Variants in SEPTIN8 observed in about 807,000 individuals in gnomAD.
The protein encoded by SEPTIN8 is septin-8.
Under a neutral mutation model 53.1 loss-of-function variants are expected in SEPTIN8, and 22 were observed. The observed-to-expected ratio is 0.41, with a 90% CI of 0.30 to 0.59. The LOEUF (loss-of-function observed/expected upper bound fraction) is 0.59. Among genes scored for constraint, SEPTIN8 ranks in the 20% least tolerant of loss-of-function variants. The probability of loss-of-function intolerance (pLI) is 0.24; values close to 1 mark genes in which losing one functional copy is unlikely to be tolerated. For synonymous variants in SEPTIN8, 228 were observed against 248.4 expected, an observed-to-expected ratio of 0.92 and a Z score of 0.77; for missense variants, 536 against 638.7, an observed-to-expected ratio of 0.84 and a Z score of 1.73.
In SEPTIN8 at chr5:132,773,604, T is replaced by C. The variant is rs1441346332; in HGVS notation, c.30+3504A>G. On this transcript the variant is annotated intron_variant, in intron 1 of 9. Coordinates refer to ENST00000378719, the MANE Select transcript of SEPTIN8 (RefSeq NM_001098811.2). This position sits in a 1 kb window ranked among gnomAD's most constrained non-coding sequence, Gnocchi z 4.2. Reference sequence around the variant, plus strand: ...TGCATCCTCACCCAACCTTGGGCTGTTGGCATCAACAAGATAATGCGCTCA... The same window carrying C: ...TGCATCCTCACCCAACCTTGGGCTGCTGGCATCAACAAGATAATGCGCTCA... Among the ~76,000 whole-genome samples, 5 of 152,220 alleles carry C rather than the reference T, an allele frequency of 3.3e-5. No homozygotes were observed. The highest frequency in any genetic ancestry group is 2.9e-5 in the Non-Finnish European group (2 of 68,034).
chr5:132,776,804 G>T lies in SEPTIN8; in HGVS notation c.30+304C>A, dbSNP rs1581208548. Among the ~76,000 whole-genome samples, 2 of 152,240 alleles carry T rather than the reference G, an allele frequency of 1.3e-5. No homozygotes were observed. The highest frequency in any genetic ancestry group is 3.9e-4 in the East Asian group (2 of 5,146). On this transcript the variant is annotated intron_variant, in intron 1 of 9. Transcript: ENST00000378719. This position sits in a 1 kb window ranked among gnomAD's most constrained non-coding sequence, Gnocchi z 4.4. ...GACCCTCACCTGCGGCCCCGCGGGC[G>T]CCACTCTATCTTCGCACCTGCCCGG...
In SEPTIN8 at chr5:132,752,049, G is replaced by A. The variant is rs1219603478; in HGVS notation, c.1419C>T (p.Val473=). 6.2e-7 allele frequency: 1 copy of A among 1,610,622 alleles called. No homozygotes were observed. Among genetic ancestry groups the A allele is most frequent in the African/African-American group, 1.3e-5 (1 of 74,896 alleles). The part of the protein sequence containing the change: ...WPAIQCCSCL[V]RDATWREGFL Reference sequence around the variant, plus strand: ...ATCCTTCCCTCCACGTCGCATCCCTGACCAGGCAGCTGCAGCACTGTATGG... The same window carrying A: ...ATCCTTCCCTCCACGTCGCATCCCTAACCAGGCAGCTGCAGCACTGTATGG... Residue 473 remains valine, a synonymous_variant, in exon 10 of 10, where the codon GTC becomes GTT. Coordinates refer to ENST00000378719, the MANE Select transcript of SEPTIN8 (RefSeq NM_001098811.2).
At chr5:132,757,342 C>T in intron 9 of SEPTIN8, 2 of 985,442 alleles carry the variant, frequency 2.0e-6, no homozygotes, top group Non-Finnish European at 2.4e-6. Context: ...CTGGCCGTGC[C>T]TCGGTGGACA....
intron 1 of SEPTIN8, among the ~76,000 whole-genome samples, chr5:132,766,073 G>A (rs137856464): frequency 1.3e-5 from 2 of 152,292 alleles, no homozygotes; most frequent in South Asian, 2.1e-4. Context: ...AGCTGGGCTC[G>A]TAGCCCTCCA....
In SEPTIN8 at chr5:132,776,488, T is replaced by C. The variant is rs1757805353; in HGVS notation, c.30+620A>G. Among the ~76,000 whole-genome samples, 1 of 152,148 alleles carries C rather than the reference T, an allele frequency of 6.6e-6. No homozygotes were observed. Among genetic ancestry groups the C allele is most frequent in the African/African-American group, 2.4e-5 (1 of 41,428 alleles). On this transcript the variant is annotated intron_variant, in intron 1 of 9. Transcript: ENST00000378719. The surrounding 1 kb of genome is among the most constrained non-coding windows in gnomAD (Gnocchi z 4.4). ...CTGAGTCTGGAATCCCTCCAGCTCC[T>C]GGCGAATGGCTGCCGCAGACCCGAC...
At chr5:132,759,711 C>T (rs1180320442) in intron 9 of SEPTIN8, among the ~76,000 whole-genome samples, 1 of 152,132 alleles carries the variant, frequency 6.6e-6, no homozygotes, top group African/African-American at 2.4e-5. Context: ...AGGTTGGGTT[C>T]ACCTGCTTAG....
In SEPTIN8 at chr5:132,764,212, C is replaced by T. The variant is rs755218390; in HGVS notation, c.347+12G>A. 6.2e-7 allele frequency: 1 copy of T among 1,604,200 alleles called. No individual in the cohort carries two copies. Among genetic ancestry groups the T allele is most frequent in the African/African-American group, 1.3e-5 (1 of 74,750 alleles). On this transcript the variant is annotated intron_variant, in intron 3 of 9. Coordinates refer to ENST00000378719, the MANE Select transcript of SEPTIN8 (RefSeq NM_001098811.2). ...GAGGAGGCTGGGTGGGGCCGCCCTT[C>T]CCGCCTCTTGCCTCTCATCCTTATT...
At chr5:132,777,826 CGG>C (rs779387605), upstream of SEPTIN8, 13 of 985,388 alleles carry the variant, frequency 1.3e-5, no homozygotes, top group Non-Finnish European at 1.3e-5. This position sits in a 1 kb window ranked among gnomAD's most constrained non-coding sequence, Gnocchi z 4.1. Context: ...GCGGCCTTCC[CGG>C]GCAAGGGACC....
chr5:132,769,974 TATATATA>T (rs1364308336), intron 1 of SEPTIN8, among the ~76,000 whole-genome samples: 5 of 71,698 alleles, frequency 7.0e-5, no homozygotes, highest in African/African-American at 2.2e-4. Context: ...AATCTCTCTC[TATATATA>T]CATATATATA....
At chr5:132,757,357 C>G (rs6895457) in intron 9 of SEPTIN8, 21 of 985,304 alleles carry the variant, frequency 2.1e-5, no homozygotes, top group Non-Finnish European at 2.4e-5. Flanking sequence ...TGGACACACA[C>G]AGCTCACCCC....
chr5:132,759,232 G>A (rs1293820937), intron 9 of SEPTIN8, among the ~76,000 whole-genome samples: 4 of 152,168 alleles, frequency 2.6e-5, no homozygotes, highest in African/African-American at 4.8e-5. Context: ...TGGGAAGAGC[G>A]TTTTCTCTCC....
At chr5:132,764,721 T>C (rs1756403592) in intron 2 of SEPTIN8, among the ~76,000 whole-genome samples, 3 of 152,224 alleles carry the variant, frequency 2.0e-5, no homozygotes, top group Non-Finnish European at 2.9e-5. Context: ...GGCAGCTGTG[T>C]AGACACCACT....
chr5:132,776,778 G>A lies in SEPTIN8; in HGVS notation c.30+330C>T, dbSNP rs555907897. 2.0e-5 allele frequency among the ~76,000 whole-genome samples: 3 copies of A among 152,242 alleles called. No individual in the cohort carries two copies. Among genetic ancestry groups the A allele is most frequent in the East Asian group, 3.9e-4 (2 of 5,168 alleles). ...TGGGCGATAGGGTCCGGAGTGTCCC[G>A]GACCCTCACCTGCGGCCCCGCGGGC... On this transcript the variant is annotated intron_variant, in intron 1 of 9. Transcript: ENST00000378719. The surrounding 1 kb of genome is among the most constrained non-coding windows in gnomAD (Gnocchi z 4.4).
intron 9 of SEPTIN8, chr5:132,757,927 G>A: frequency 3.0e-6 from 3 of 985,910 alleles, no homozygotes; most frequent in Non-Finnish European, 3.6e-6. Flanking sequence ...TTCCCACTGA[G>A]TACTCTTTAC....
intron 9 of SEPTIN8, among the ~76,000 whole-genome samples, chr5:132,754,757 A>G (rs1755181745): frequency 6.6e-6 from 1 of 152,068 alleles, no homozygotes; most frequent in South Asian, 2.1e-4. Context: ...CTCCTATCCC[A>G]CCTCAACTCA....
chr5:132,764,029 G>C, intron 3 of SEPTIN8, 137 bp from the exon 4 acceptor site: 2 of 1,019,666 alleles, frequency 2.0e-6, no homozygotes, highest in Non-Finnish European at 2.8e-6. Flanking sequence ...TGAGATCCCT[G>C]ACTGGATACA....
intron 1 of SEPTIN8, among the ~76,000 whole-genome samples, chr5:132,770,265 G>A (rs547498417): frequency 2.7e-5 from 4 of 150,080 alleles, no homozygotes; most frequent in East Asian, 2.0e-4. Context: ...TGTAACCTCC[G>A]CCTCCTAGGT....
chr5:132,770,028 C>T (rs13173306), intron 1 of SEPTIN8, among the ~76,000 whole-genome samples: 19 of 83,474 alleles, frequency 2.3e-4, no homozygotes, highest in African/African-American at 9.1e-4. Flanking sequence ...TATATACACA[C>T]ACATATATAT....
chr5:132,764,214 C>G lies in SEPTIN8; in HGVS notation c.347+10G>C, dbSNP rs200632388. On this transcript the variant is annotated intron_variant, in intron 3 of 9. Coordinates refer to ENST00000378719, the MANE Select transcript of SEPTIN8 (RefSeq NM_001098811.2). Reference sequence around the variant, plus strand: ...GGAGGCTGGGTGGGGCCGCCCTTCCCGCCTCTTGCCTCTCATCCTTATTGA... The same window carrying G: ...GGAGGCTGGGTGGGGCCGCCCTTCCGGCCTCTTGCCTCTCATCCTTATTGA... The G allele has an allele frequency of 7.0e-5, 112 of 1,604,696 alleles. 1 individual carries two copies. The Admixed American group carries it at 1.9e-3, about 27-fold the overall frequency.
Sources: allele counts gnomAD v4.1 joint callset (sites outside exome capture counted in the v4.1 genomes callset), GRCh38; gene constraint gnomAD v4.1.1; non-coding constraint Gnocchi (gnomAD v3.1); transcripts MANE v1.5; gene names NCBI Gene and HGNC (gene_info 2026-07-23, HGNC 2026-07-21).